PCLO: variants seen among roughly 807,000 people sequenced by gnomAD.
The protein encoded by PCLO is piccolo presynaptic cytomatrix protein.
A neutral mutation model predicts 427.5 loss-of-function variants in PCLO; 82 were observed. That is an observed-to-expected ratio of 0.19 (90% confidence interval 0.16 to 0.23). PCLO has a LOEUF of 0.23. Among genes scored for constraint, PCLO ranks in the 10% least tolerant of loss-of-function variants. The probability of loss-of-function intolerance (pLI) is 1.00; values close to 1 mark genes in which losing one functional copy is unlikely to be tolerated. For synonymous variants in PCLO, 2,357 were observed against 2,155.4 expected, an observed-to-expected ratio of 1.09 and a Z score of -2.59; for missense variants, 6,239 against 6,115.9, an observed-to-expected ratio of 1.02 and a Z score of -0.67.
At position 82,973,629 on chromosome 7, in the gene PCLO, T is replaced by C. The variant is rs1404417257; in HGVS notation, c.3301-7142A>G. On this transcript the variant is annotated intron_variant, in intron 3 of 24. Coordinates refer to ENST00000333891, the MANE Select transcript of PCLO (RefSeq NM_033026.6). ...CATCTCTTACCTGCATGCTTATTTC[T>C]GCAAGACCTCACACTTCTGTATAAC... Among the ~76,000 whole-genome samples the C allele has an allele frequency of 3.3e-5, 5 of 152,180 alleles. No homozygotes were observed. In the East Asian group the frequency reaches 9.7e-4, roughly 29 times the overall value.
At chr7:82,921,077 G>T (rs1189537265) in intron 6 of PCLO, among the ~76,000 whole-genome samples, 4 of 151,724 alleles carry the variant, frequency 2.6e-5, no homozygotes, top group East Asian at 1.9e-4. Context: ...TCTACACTTT[G>T]CCCACAAATA....
chr7:83,146,589 A>T (rs1791998965), intron 2 of PCLO, among the ~76,000 whole-genome samples: 1 of 136,744 alleles, frequency 7.3e-6, no homozygotes, highest in Non-Finnish European at 1.6e-5. Context: ...TTACTGATCC[A>T]ATAAATACTT....
chr7:82,885,917 A>G (rs1396514208), intron 9 of PCLO, among the ~76,000 whole-genome samples: 1 of 152,154 alleles, frequency 6.6e-6, no homozygotes, highest in African/African-American at 2.4e-5. Flanking sequence ...CAAAGAAGTG[A>G]CTTGGCAGTG....
At chr7:82,890,572 C>T (rs976980878) in intron 9 of PCLO, among the ~76,000 whole-genome samples, 1 of 151,650 alleles carries the variant, frequency 6.6e-6, no homozygotes, top group African/African-American at 2.4e-5. Flanking sequence ...ATAGATTTAA[C>T]GTTATAGAAG....
At chr7:83,091,433 T>TC (rs1398244712) in intron 3 of PCLO, among the ~76,000 whole-genome samples, 1 of 152,056 alleles carries the variant, frequency 6.6e-6, no homozygotes, top group Non-Finnish European at 1.5e-5. Flanking sequence ...TAAAGTTTTT[T>TC]CCCCAGTACT....
chr7:83,057,348 A>ATATATATATATAT (rs1392338061), intron 3 of PCLO, among the ~76,000 whole-genome samples: 2 of 19,634 alleles, frequency 1.0e-4, no homozygotes, highest in African/African-American at 1.7e-4. Flanking sequence ...ATATATATAT[A>ATATATATATATAT]TTTTTTTTTT....
Position 82,900,730 on chromosome 7 carries a change from A to C in PCLO, c.13528+1921T>G, listed in dbSNP as rs148498552. Among the ~76,000 whole-genome samples the C allele has an allele frequency of 2.3e-3, 352 of 151,900 alleles. 2 individuals carry two copies. The highest frequency in any genetic ancestry group is 8.2e-3 in the African/African-American group (339 of 41,518). ...AAAAAATAAATGGTGGGTTTGTGGA[A>C]AAGCTCAACATTTGTATAAGGCTTA... On this transcript the variant is annotated intron_variant, in intron 9 of 24. Transcript: ENST00000333891.
At chr7:82,879,315 C>A in intron 10 of PCLO, 22 bp downstream of exon 10, 1 of 1,583,630 alleles carries the variant, frequency 6.3e-7, no homozygotes, top group Non-Finnish European at 8.6e-7. Flanking sequence ...TTTTATTTTA[C>A]TGTAAAATTC....
intron 19 of PCLO, 80 bp downstream of exon 19, chr7:82,824,156 T>C: frequency 1.1e-6 from 1 of 915,706 alleles, no homozygotes; most frequent in Non-Finnish European, 1.6e-6. Context: ...ATAGGTTAAA[T>C]GTACAAACAT....
In PCLO at chr7:83,155,935, G is replaced by A; in HGVS notation, c.706C>T (p.Pro236Ser). Residue 236 changes from proline to serine, a missense_variant, in exon 2 of 25, where the codon CCC (proline) becomes TCC (serine). Physicochemically the swap from Pro to Ser is moderately conservative, Grantham distance 74 (BLOSUM62 -1). Transcript: ENST00000333891. The part of the protein sequence containing the change: ...GRDPLQQDGT[P>S]KSISSQQPEK... ...GGTTGTTGAGAAGATATTGATTTGG[G>A]AGTGCCATCCTGCTGAAGCGGATCC... 6.2e-7 allele frequency: 1 copy of A among 1,613,854 alleles called. No individual in the cohort carries two copies. The highest frequency in any genetic ancestry group is 1.1e-5 in the South Asian group (1 of 91,068).
intron 3 of PCLO, among the ~76,000 whole-genome samples, chr7:83,104,811 C>G (rs1278918783): frequency 6.6e-6 from 1 of 152,036 alleles, no homozygotes; most frequent in Non-Finnish European, 1.5e-5. Context: ...TGCCATAGAT[C>G]AAAACAAAGA....
chr7:83,019,776 T>C (rs1179854201), intron 3 of PCLO, among the ~76,000 whole-genome samples: 3 of 152,080 alleles, frequency 2.0e-5, no homozygotes, highest in Non-Finnish European at 2.9e-5. Context: ...ATATCCCAAA[T>C]CACTATTTCT....
chr7:82,790,235 A>T (rs1323310494), intron 22 of PCLO, among the ~76,000 whole-genome samples: 1 of 152,086 alleles, frequency 6.6e-6, no homozygotes, highest in Non-Finnish European at 1.5e-5. Flanking sequence ...TTCCTTCTTA[A>T]AATCAATCTA....
chr7:83,092,294 A>C (rs1434918294), intron 3 of PCLO, among the ~76,000 whole-genome samples: 1 of 152,172 alleles, frequency 6.6e-6, no homozygotes, highest in Non-Finnish European at 1.5e-5. Flanking sequence ...TTCTCTACAA[A>C]ACTTGAATCC....
chr7:83,158,740 T>A (rs1213186861), intron 1 of PCLO, among the ~76,000 whole-genome samples: 1 of 152,064 alleles, frequency 6.6e-6, no homozygotes, highest in Non-Finnish European at 1.5e-5. Context: ...CCTACAAATA[T>A]AAGTTGTACT....
In PCLO at chr7:82,914,386, A is replaced by G; in HGVS notation, c.13300+300T>C. ...TTTTCAACTATGGATTTATAGGATG[A>G]CCATATTTTATTGACAGAATTATTT... On this transcript the variant is annotated intron_variant, in intron 7 of 24. Transcript: ENST00000333891. The G allele has an allele frequency of 5.6e-6, 3 of 533,972 alleles. No individual in the cohort carries two copies. The South Asian group carries it at 9.0e-5, about 16-fold the overall frequency. The allele number at this position is 533,972 out of a possible 1,614,324, so 33.1% of individuals were successfully genotyped here.
In PCLO at chr7:82,901,113, A is replaced by C. The variant is rs775214360; in HGVS notation, c.13528+1538T>G. Among the ~76,000 whole-genome samples the C allele has an allele frequency of 2.0e-5, 3 of 152,022 alleles. No homozygotes were observed. The South Asian group carries it at 6.2e-4, about 31-fold the overall frequency. On this transcript the variant is annotated intron_variant, in intron 9 of 24. Transcript: ENST00000333891. ...ACAGCAATAACTGCAGAGCATTGTA[A>C]TACCATGTGCATTAAAACATATGAT...
rs556504892 is a variant in PCLO at position 82,896,988 on chromosome 7, G to T, written c.13528+5663C>A. On this transcript the variant is annotated intron_variant, in intron 9 of 24. Transcript: ENST00000333891. ...TCTTTGGCTTGTTTCAAACAGCTGT[G>T]TTTCTGAGGCCATAAGATGGAGTTT... Among the ~76,000 whole-genome samples, 9 of 151,630 alleles carry T rather than the reference G, an allele frequency of 5.9e-5. No homozygotes were observed. In the South Asian group the frequency reaches 1.9e-3, roughly 31 times the overall value.
rs879722240 is a variant in PCLO at position 83,026,937 on chromosome 7, C to G, written c.3301-60450G>C. Among the ~76,000 whole-genome samples the G allele has an allele frequency of 2.9e-3, 411 of 139,430 alleles. 5 individuals carry two copies. Among genetic ancestry groups the G allele is most frequent in the East Asian group, 0.029 (146 of 4,962 alleles). The allele number at this position is 139,430 out of a possible 152,430, so 91.5% of individuals were successfully genotyped here. ...ACAAAGACACAACATACCAGAATCT[C>G]TGGGACGCATTCAAAGCAGTGTGTA... On this transcript the variant is annotated intron_variant, in intron 3 of 24. Transcript: ENST00000333891.
Sources: gnomAD v4.1 joint callset for allele counts (sites outside exome capture counted in the v4.1 genomes callset) on GRCh38, gnomAD v4.1.1 for gene constraint, MANE v1.5 for transcripts, NCBI Gene and HGNC (gene_info 2026-07-23, HGNC 2026-07-21) for gene names.